The following DOK5 variants were observed in gnomAD, a reference collection of about 807,000 sequenced individuals.
DOK5 encodes the protein downstream of tyrosine kinase 5.
A neutral mutation model predicts 43.3 loss-of-function variants in DOK5; 27 were observed. The ratio of observed to expected loss-of-function variants is 0.62; its 90% confidence interval spans 0.46 to 0.86. The LOEUF is 0.86. DOK5 is among the 40% of genes least tolerant of loss of function. DOK5 has a pLI of 0.00. For missense variants in DOK5, 373 were observed against 392.9 expected (o/e 0.95, Z 0.43); for synonymous variants, 146 against 140.1 (o/e 1.04, Z -0.30).
intron 1 of DOK5, among the ~76,000 whole-genome samples, chr20:54,501,776 A>G (rs1466516665): frequency 6.6e-6 from 1 of 152,222 alleles, no homozygotes; most frequent in African/African-American, 2.4e-5. Context: ...TGACTTAGCA[A>G]TGGTGAGCTG....
intron 7 of DOK5, among the ~76,000 whole-genome samples, chr20:54,647,034 G>A (rs1600767321): frequency 6.6e-6 from 1 of 151,966 alleles, no homozygotes; most frequent in East Asian, 1.9e-4. Flanking sequence ...TGGTTGATTT[G>A]GGAATTATCA....
chr20:54,534,168 A>G (rs1485816573), intron 1 of DOK5, among the ~76,000 whole-genome samples: 2 of 152,140 alleles, frequency 1.3e-5, no homozygotes, highest in African/African-American at 2.4e-5. Context: ...TAGGAGAGAG[A>G]TGAAATTGAT....
At chr20:54,635,219 T>C (rs1051500670) in intron 6 of DOK5, among the ~76,000 whole-genome samples, 1 of 152,198 alleles carries the variant, frequency 6.6e-6, no homozygotes, top group African/African-American at 2.4e-5. Flanking sequence ...GAAAGACATT[T>C]AAGTATTTTA....
At chr20:54,564,259 T>TA (rs1466036234) in intron 2 of DOK5, among the ~76,000 whole-genome samples, 1 of 151,638 alleles carries the variant, frequency 6.6e-6, no homozygotes, top group Non-Finnish European at 1.5e-5. Flanking sequence ...CCGTCTCTAC[T>TA]AAAAAAAATA....
intron 1 of DOK5, among the ~76,000 whole-genome samples, chr20:54,489,658 A>G (rs1982086717): frequency 6.6e-6 from 1 of 151,980 alleles, no homozygotes; most frequent in African/African-American, 2.4e-5. Context: ...AAATTATGAA[A>G]CTGAGATACT....
intron 2 of DOK5, chr20:54,555,674 T>C (rs1268802392): frequency 2.0e-5 from 3 of 152,260 alleles, no homozygotes; most frequent in Admixed American, 2.0e-4. Flanking sequence ...ATTTTCTTTT[T>C]TCATGAAAAC....
chr20:54,628,282 G>C (rs779223896), intron 6 of DOK5, among the ~76,000 whole-genome samples: 1 of 151,136 alleles, frequency 6.6e-6, no homozygotes, highest in Admixed American at 6.6e-5. Flanking sequence ...GGTGGCGGGC[G>C]CCTGTAGTCC....
chr20:54,639,360 T>C, intron 6 of DOK5, among the ~76,000 whole-genome samples: 1 of 152,232 alleles, frequency 6.6e-6, no homozygotes, highest in East Asian at 1.9e-4. Context: ...TCAAGTGTTT[T>C]CTACATTTTT....
At chr20:54,561,958 C>T (rs1007779758) in intron 2 of DOK5, among the ~76,000 whole-genome samples, 11 of 152,114 alleles carry the variant, frequency 7.2e-5, no homozygotes, top group South Asian at 2.1e-4. Flanking sequence ...CGCCTGGCCA[C>T]GTTTAAGCCT....
intron 2 of DOK5, among the ~76,000 whole-genome samples, chr20:54,563,664 G>GTTT (rs76886127): frequency 1.9e-4 from 22 of 114,348 alleles, no homozygotes; most frequent in African/African-American, 4.8e-4. Flanking sequence ...TATTTGTCAG[G>GTTT]TTTTTTTTTT....
At chr20:54,528,990 G>T (rs945512390) in intron 1 of DOK5, among the ~76,000 whole-genome samples, 1 of 152,184 alleles carries the variant, frequency 6.6e-6, no homozygotes, top group Non-Finnish European at 1.5e-5. Context: ...TGATGTTAAA[G>T]CATCTTTGCA....
At chr20:54,522,385 T>C (rs536675051) in intron 1 of DOK5, among the ~76,000 whole-genome samples, 51 of 152,256 alleles carry the variant, frequency 3.3e-4, no homozygotes, top group African/African-American at 1.1e-3. Context: ...GTGAATTAAA[T>C]TGGACATTAA....
chr20:54,481,076 TATCTATCATCTACC>T (rs1363621696), intron 1 of DOK5, among the ~76,000 whole-genome samples: 1,581 of 124,874 alleles, frequency 0.013, 42 homozygotes, highest in African/African-American at 0.056. Context: ...ATCATCTATC[TATCTATCATCTACC>T]ATCTATCTAT....
At chr20:54,502,424 A>G (rs1982644352) in intron 1 of DOK5, among the ~76,000 whole-genome samples, 1 of 152,196 alleles carries the variant, frequency 6.6e-6, no homozygotes, top group African/African-American at 2.4e-5. Context: ...TAGGATTACT[A>G]TAGCAACACT....
intron 4 of DOK5, among the ~76,000 whole-genome samples, chr20:54,589,257 A>G (rs184395311): frequency 6.6e-6 from 1 of 152,342 alleles, no homozygotes; most frequent in Non-Finnish European, 1.5e-5. Context: ...ATTACAGTTT[A>G]CAGATTTTAA....
At chr20:54,596,478 C>T (rs77631096) in intron 5 of DOK5, among the ~76,000 whole-genome samples, 2,367 of 152,260 alleles carry the variant, frequency 0.016, 68 homozygotes, top group African/African-American at 0.053. Flanking sequence ...TCAGTGGCTC[C>T]GTTTCACCCC....
At chr20:54,642,379 G>A (rs978747694) in intron 6 of DOK5, among the ~76,000 whole-genome samples, 3 of 151,772 alleles carry the variant, frequency 2.0e-5, no homozygotes, top group South Asian at 2.1e-4. Context: ...TCTTTCTGAT[G>A]CCAGAACACC....
intron 1 of DOK5, among the ~76,000 whole-genome samples, chr20:54,526,139 TC>T (rs1568767463): frequency 2.2e-5 from 3 of 137,094 alleles, no homozygotes; most frequent in South Asian, 2.1e-4. Flanking sequence ...CCAAGATTTT[TC>T]TTTTTTTTTT....
chr20:54,477,417 A>G (rs969235984), intron 1 of DOK5, among the ~76,000 whole-genome samples: 33 of 152,156 alleles, frequency 2.2e-4, no homozygotes, highest in African/African-American at 8.0e-4. Flanking sequence ...GTGAATATAT[A>G]CATATGTAAT....
Sources: gnomAD v4.1 joint callset for allele counts (sites outside exome capture counted in the v4.1 genomes callset) on GRCh38, gnomAD v4.1.1 for gene constraint, MANE v1.5 for transcripts, NCBI Gene and HGNC (gene_info 2026-07-23, HGNC 2026-07-21) for gene names.